CWC22: variants seen among roughly 807,000 people sequenced by gnomAD.
The protein encoded by CWC22 is pre-mRNA-splicing factor CWC22 homolog.
In CWC22, 53 loss-of-function variants were observed where a neutral mutation model predicts 117.2. The ratio of observed to expected loss-of-function variants is 0.45; its 90% confidence interval spans 0.36 to 0.57. CWC22 has a LOEUF of 0.57. Ranked by LOEUF, CWC22 falls within the 20% of genes least tolerant of loss-of-function variation. CWC22 has a pLI of 0.00. For synonymous variants in CWC22, 360 were observed against 355.6 expected (o/e 1.01, Z -0.14); for missense variants, 980 against 1,068.8 (o/e 0.92, Z 1.16).
At position 179,982,770 on chromosome 2, in the gene CWC22, T is replaced by C. The variant is rs146145115; in HGVS notation, c.207-773A>G. 2.7e-3 allele frequency among the ~76,000 whole-genome samples: 417 copies of C among 152,254 alleles called. 1 individual carries two copies. Among genetic ancestry groups the C allele is most frequent in the Non-Finnish European group, 5.2e-3 (357 of 68,010 alleles). Reference sequence around the variant, plus strand: ...ATCAAGGTACAGTTCTCTGAAACCATCAAGAACTAACGGGAAAGAGCGAAT... The same window carrying C: ...ATCAAGGTACAGTTCTCTGAAACCACCAAGAACTAACGGGAAAGAGCGAAT... On this transcript the variant is annotated intron_variant, in intron 4 of 19. Transcript: ENST00000410053.
chr2:179,966,290 T>G (rs538701028), intron 11 of CWC22, among the ~76,000 whole-genome samples: 29 of 152,242 alleles, frequency 1.9e-4, no homozygotes, highest in African/African-American at 7.0e-4. Flanking sequence ...TGGCAAATAT[T>G]AGGAATAGAA....
At position 179,964,557 on chromosome 2, in the gene CWC22, T is replaced by C. The variant is rs775114521; in HGVS notation, c.1387A>G (p.Ile463Val). 53 of 1,553,590 alleles carry C rather than the reference T, an allele frequency of 3.4e-5. No homozygotes were observed. The highest frequency in any genetic ancestry group is 4.2e-5 in the Non-Finnish European group (48 of 1,139,840). ...VSFRRTIYLA[I>V]QSSLDFEECA... Reference sequence around the variant, plus strand: ...GATATGATGCCTTACCTTGACTGAATAGCAAGATAAATTGTACGACGAAAT... The same window carrying C: ...GATATGATGCCTTACCTTGACTGAACAGCAAGATAAATTGTACGACGAAAT... The change falls in exon 13 of 20, where the codon ATT (isoleucine) becomes GTT (valine). Residue 463 changes from isoleucine to valine, a missense_variant. Coordinates refer to ENST00000410053, the MANE Select transcript of CWC22 (RefSeq NM_020943.3).
intron 19 of CWC22, among the ~76,000 whole-genome samples, chr2:179,949,572 G>A (rs1373829217): frequency 3.3e-5 from 5 of 152,122 alleles, no homozygotes; most frequent in African/African-American, 1.2e-4. Context: ...ATACATGGCC[G>A]GTGGGAGTGT....
chr2:179,949,244 G>C (rs1686387439), intron 19 of CWC22, among the ~76,000 whole-genome samples: 2 of 152,132 alleles, frequency 1.3e-5, no homozygotes, highest in Non-Finnish European at 2.9e-5. Flanking sequence ...TGCAGGGCTA[G>C]AGAGACAAGA....
chr2:179,973,291 T>A, intron 7 of CWC22, 45 bp from the exon 8 acceptor site: 1 of 1,371,218 alleles, frequency 7.3e-7, no homozygotes, highest in Non-Finnish European at 1.0e-6. Context: ...TAAACCCAAT[T>A]TTCATTTATT....
chr2:179,964,993 A>C (rs190232015), intron 12 of CWC22, among the ~76,000 whole-genome samples: 25 of 152,326 alleles, frequency 1.6e-4, no homozygotes, highest in Non-Finnish European at 3.1e-4. Flanking sequence ...CTCATGCGTA[A>C]AAATTCAGTT....
rs1490151374 is a variant in CWC22 at position 179,973,158 on chromosome 2, C to T, written c.804+35G>A. ...GCATCAACCCTCTGGTCTAATGCCA[C>T]TGAATGGGACCAAGTATTGAAGATA... is the stretch of plus-strand genomic sequence containing the variant. On this transcript the variant is annotated intron_variant, in intron 8 of 19. Coordinates refer to ENST00000410053, the MANE Select transcript of CWC22 (RefSeq NM_020943.3). The T allele has an allele frequency of 1.9e-5, 29 of 1,499,912 alleles. No homozygotes were observed. In the African/African-American group the frequency reaches 2.9e-4, roughly 15 times the overall value. The allele number at this position is 1,499,912 out of a possible 1,614,324, so 92.9% of individuals were successfully genotyped here.
intron 19 of CWC22, among the ~76,000 whole-genome samples, chr2:179,946,205 A>C (rs1259813386): frequency 6.6e-6 from 1 of 151,996 alleles, no homozygotes; most frequent in South Asian, 2.1e-4. Flanking sequence ...GCACTTTGGG[A>C]AGCAGAGGGG....
chr2:179,993,496 G>A (rs917637937), intron 1 of CWC22, 42 bp from the exon 2 acceptor site: 12 of 574,656 alleles, frequency 2.1e-5, no homozygotes, highest in Non-Finnish European at 3.4e-5. Flanking sequence ...CACTAACAAA[G>A]TGTGAAAAAT....
intron 11 of CWC22, among the ~76,000 whole-genome samples, 170 bp from the exon 12 acceptor site, chr2:179,966,152 T>C (rs1686885003): frequency 1.3e-5 from 2 of 152,068 alleles, no homozygotes; most frequent in South Asian, 4.1e-4. Context: ...TCAAAAAGCA[T>C]TATAACTGAT....
intron 1 of CWC22, among the ~76,000 whole-genome samples, chr2:179,995,053 G>A (rs1687666525): frequency 6.6e-6 from 1 of 152,170 alleles, no homozygotes; most frequent in Admixed American, 6.5e-5. Flanking sequence ...GGGAGGCGGA[G>A]CTTGCAGTGA....
Position 179,970,795 on chromosome 2 carries a change from A to C in CWC22, c.1002T>G (p.Tyr334Ter). Residue 334 changes from tyrosine (Y) to a stop codon, truncating the protein, a stop_gained, in exon 10 of 20, where the codon TAT (tyrosine) becomes TAG (stop). Coordinates refer to ENST00000410053, the MANE Select transcript of CWC22 (RefSeq NM_020943.3). LOFTEE classifies it high-confidence loss of function. Reference sequence around the variant, plus strand: ...GTACAGCAAACATCACTTCAATCATATATTGAACTCTTTTGTCAATTTCAG... The same window carrying C: ...GTACAGCAAACATCACTTCAATCATCTATTGAACTCTTTTGTCAATTTCAG... ...HESEIDKRVQ[Y>*]MIEVMFAVRK... 1.9e-6 allele frequency: 3 copies of C among 1,613,658 alleles called. No individual in the cohort carries two copies. Among genetic ancestry groups the C allele is most frequent in the Non-Finnish European group, 2.5e-6 (3 of 1,179,606 alleles).
intron 11 of CWC22, among the ~76,000 whole-genome samples, chr2:179,968,656 C>A (rs2105525488): frequency 6.6e-6 from 1 of 152,064 alleles, no homozygotes; most frequent in East Asian, 1.9e-4. Context: ...CAACCTCCAC[C>A]TCCCCAGTTC....
chr2:179,960,527 C>T (rs1284564952), intron 13 of CWC22, among the ~76,000 whole-genome samples: 3 of 151,838 alleles, frequency 2.0e-5, no homozygotes, highest in Non-Finnish European at 4.4e-5. Context: ...CAAATGTACA[C>T]GTAAATTAGA....
At chr2:179,961,764 A>G (rs578169215) in intron 13 of CWC22, among the ~76,000 whole-genome samples, 1 of 151,988 alleles carries the variant, frequency 6.6e-6, no homozygotes, top group Non-Finnish European at 1.5e-5. Context: ...AAAGTATTTA[A>G]TGACCCCCCC....
At chr2:179,964,420 G>GA in intron 13 of CWC22, 127 bp downstream of exon 13, 1 of 538,348 alleles carries the variant, frequency 1.9e-6, no homozygotes, top group East Asian at 3.0e-5. Flanking sequence ...TGGGATGGGG[G>GA]AGAGAGTCTA....
Position 179,944,973 on chromosome 2 carries a change from T to C in CWC22, c.*156A>G. ...ATTTTATGGGTAGGGCCTTGAGATG[T>C]ATCAATTATAAAACATGTTAAAATG... On this transcript the variant is annotated 3_prime_UTR_variant, in exon 20 of 20. Coordinates refer to ENST00000410053, the MANE Select transcript of CWC22 (RefSeq NM_020943.3). The C allele has an allele frequency of 3.7e-6, 2 of 534,610 alleles. No homozygotes were observed. Among genetic ancestry groups the C allele is most frequent in the Non-Finnish European group, 6.3e-6 (2 of 315,264 alleles). The allele number at this position is 534,610 out of a possible 1,614,324, so 33.1% of individuals were successfully genotyped here.
intron 14 of CWC22, 60 bp downstream of exon 14, chr2:179,958,962 A>C (rs1686676201): frequency 1.1e-5 from 11 of 999,624 alleles, no homozygotes; most frequent in Middle Eastern, 4.2e-4. Flanking sequence ...ACCCATTAAC[A>C]GCCTTAAACA....
rs1687230555 is a variant in CWC22, at chr2:179,979,332, T to A, written c.453-1014A>T. On this transcript the variant is annotated intron_variant, in intron 5 of 19. Coordinates refer to ENST00000410053, the MANE Select transcript of CWC22 (RefSeq NM_020943.3). ...TAACTACTTAAATTTCTAAGTAGCATGGCCATAATCCGTATCATGAAATAC... is the reference window on the plus strand; with the variant it reads ...TAACTACTTAAATTTCTAAGTAGCAAGGCCATAATCCGTATCATGAAATAC... Among the ~76,000 whole-genome samples, 3 of 152,312 alleles carry A rather than the reference T, an allele frequency of 2.0e-5. No homozygotes were observed. In the South Asian group the frequency reaches 6.2e-4, roughly 32 times the overall value.
Sources: allele counts gnomAD v4.1 joint callset (sites outside exome capture counted in the v4.1 genomes callset), GRCh38; gene constraint gnomAD v4.1.1; transcripts MANE v1.5; gene names NCBI Gene and HGNC (gene_info 2026-07-23, HGNC 2026-07-21).